CYB5R4: variants seen among roughly 807,000 people sequenced by gnomAD.
CYB5R4 encodes the protein N-terminal cytochrome b5 and cytochrome b5 oxidoreductase domain-containing protein.
In CYB5R4, 55 loss-of-function variants were observed where a neutral mutation model predicts 70.2. That is an observed-to-expected ratio of 0.78 (90% CI 0.63 to 0.98). The LOEUF is 0.98. CYB5R4 is among the 50% of genes least tolerant of loss of function. The pLI is 0.00. For missense variants in CYB5R4, 562 were observed against 612.6 expected, an observed-to-expected ratio of 0.92 and a Z score of 0.87; for synonymous variants, 197 against 199.5, an observed-to-expected ratio of 0.99 and a Z score of 0.11.
At chr6:83,864,404 C>T in intron 2 of CYB5R4, 76 bp downstream of exon 2, 1 of 1,290,010 alleles carries the variant, frequency 7.8e-7, no homozygotes, top group Non-Finnish European at 1.1e-6. Flanking sequence ...ACCTCACAGT[C>T]ATGTTATTTT....
intron 3 of CYB5R4, among the ~76,000 whole-genome samples, chr6:83,906,963 G>A (rs1434745109): frequency 2.0e-5 from 3 of 152,110 alleles, no homozygotes; most frequent in Non-Finnish European, 2.9e-5. Flanking sequence ...ATTGTTTCCA[G>A]TATTTTGCTA....
At chr6:83,914,369 A>G (rs1246584170) in intron 4 of CYB5R4, 47 bp from the exon 5 acceptor site, 3 of 1,493,318 alleles carry the variant, frequency 2.0e-6, no homozygotes, top group Non-Finnish European at 2.7e-6. Flanking sequence ...ATTCTCATTG[A>G]CATTAAAGTA....
chr6:83,891,836 T>C (rs2129133784), intron 2 of CYB5R4, among the ~76,000 whole-genome samples: 1 of 152,328 alleles, frequency 6.6e-6, no homozygotes, highest in African/African-American at 2.4e-5. Context: ...GTGCTCATCA[T>C]GGATAGCTAT....
chr6:83,884,170 A>G (rs538094635), intron 2 of CYB5R4, among the ~76,000 whole-genome samples: 1 of 151,914 alleles, frequency 6.6e-6, no homozygotes, highest in Admixed American at 6.6e-5. Context: ...ATAATTATCT[A>G]TCATGTAATT....
chr6:83,881,333 C>T (rs190066045), intron 2 of CYB5R4, among the ~76,000 whole-genome samples: 2 of 151,998 alleles, frequency 1.3e-5, no homozygotes, highest in Admixed American at 1.3e-4. Flanking sequence ...TGTTACCATA[C>T]CTGGCTAATT....
intron 10 of CYB5R4, among the ~76,000 whole-genome samples, chr6:83,932,939 A>C (rs539948282): frequency 6.6e-6 from 1 of 152,332 alleles, no homozygotes; most frequent in African/African-American, 2.4e-5. Flanking sequence ...CTAGCCTTCT[A>C]GGACCTTGTA....
chr6:83,898,707 T>G lies in CYB5R4; in HGVS notation c.330+5085T>G, dbSNP rs551364460. 2.0e-5 allele frequency among the ~76,000 whole-genome samples: 3 copies of G among 152,210 alleles called. No individual in the cohort carries two copies. In the East Asian group the frequency reaches 5.8e-4, roughly 29 times the overall value. On this transcript the variant is annotated intron_variant, in intron 3 of 15. Coordinates refer to ENST00000369681, the MANE Select transcript of CYB5R4 (RefSeq NM_016230.4). ...CCCTTGTAAGTTGGATTCCTAGGTATTTTATTCTCTTTGAAGCAATTGTGA... is the reference window on the plus strand; with the variant it reads ...CCCTTGTAAGTTGGATTCCTAGGTAGTTTATTCTCTTTGAAGCAATTGTGA...
At chr6:83,919,227 G>T (rs979046079) in intron 6 of CYB5R4, among the ~76,000 whole-genome samples, 170 bp from the exon 7 acceptor site, 2 of 152,076 alleles carry the variant, frequency 1.3e-5, no homozygotes, top group African/African-American at 4.8e-5. Flanking sequence ...ATAGTTGTCA[G>T]CTGTATAATG....
chr6:83,861,909 AT>A (rs1481365627), intron 1 of CYB5R4, among the ~76,000 whole-genome samples: 3 of 152,316 alleles, frequency 2.0e-5, no homozygotes, highest in Middle Eastern at 6.8e-3. Context: ...GCTGCAGGAA[AT>A]TTTGTTTGTC....
intron 10 of CYB5R4, among the ~76,000 whole-genome samples, chr6:83,933,746 A>G (rs1050643736): frequency 3.3e-5 from 5 of 152,194 alleles, no homozygotes; most frequent in Admixed American, 2.0e-4. Flanking sequence ...TATACAAACA[A>G]TATTTTCTGA....
chr6:83,945,407 GA>G (rs1264419689), intron 14 of CYB5R4, among the ~76,000 whole-genome samples: 2 of 152,152 alleles, frequency 1.3e-5, no homozygotes, highest in African/African-American at 4.8e-5. Flanking sequence ...GAATCTCTGG[GA>G]CACAGCTAAA....
intron 14 of CYB5R4, among the ~76,000 whole-genome samples, chr6:83,946,359 A>G (rs1037185378): frequency 4.3e-4 from 66 of 152,164 alleles, no homozygotes; most frequent in African/African-American, 1.5e-3. Flanking sequence ...AAAGGCCTTC[A>G]ATAAAATTCA....
At position 83,963,316 on chromosome 6, in the gene CYB5R4, A is replaced by G. The variant is rs907688478; in HGVS notation, c.*3438A>G. ...TGAGAGGAGCTTTGACACCCACCCCAAAAGAGTCAACTTCATTATGCTGGC... is the reference window on the plus strand; with the variant it reads ...TGAGAGGAGCTTTGACACCCACCCCGAAAGAGTCAACTTCATTATGCTGGC... On this transcript the variant is annotated 3_prime_UTR_variant, in exon 16 of 16. Coordinates refer to ENST00000369681, the MANE Select transcript of CYB5R4 (RefSeq NM_016230.4). The G allele has an allele frequency of 6.6e-6, 1 of 152,202 alleles. No individual in the cohort carries two copies. The highest frequency in any genetic ancestry group is 1.5e-5 in the Non-Finnish European group (1 of 68,082). The allele number at this position is 152,202 out of a possible 1,614,324, so 9.4% of individuals were successfully genotyped here.
chr6:83,922,452 G>A lies in CYB5R4; in HGVS notation c.673G>A (p.Val225Ile). ...GTCTGTCCTAGGGCTAAGCCATGAG[G>A]TTCAGGAAGATTTTTCTGGTAAGCT... Reference protein sequence around the residue: ...YLIHIGLSHEVQEDFSVRVVE... With the variant: ...YLIHIGLSHEIQEDFSVRVVE... Residue 225 changes from valine (V) to isoleucine (I), a missense_variant, in exon 9 of 16, where the codon GTT (valine) becomes ATT (isoleucine). Coordinates refer to ENST00000369681, the MANE Select transcript of CYB5R4 (RefSeq NM_016230.4). The A allele has an allele frequency of 6.2e-7, 1 of 1,613,216 alleles. No homozygotes were observed. Among genetic ancestry groups the A allele is most frequent in the South Asian group, 1.1e-5 (1 of 90,974 alleles).
chr6:83,922,321 C>A, intron 8 of CYB5R4, 117 bp from the exon 9 acceptor site: 1 of 628,004 alleles, frequency 1.6e-6, no homozygotes, highest in Non-Finnish European at 2.6e-6. Context: ...TTTCAGAACA[C>A]GTTTTGTCTT....
chr6:83,864,194 G>T lies in CYB5R4; in HGVS notation c.95G>T (p.Arg32Ile). ...TTTTAGGTACCTTTAAAACAGGGCA[G>T]AAGCCTTATGGATTGGATTCGACTG... The part of the protein sequence containing the change: ...GRSKVPLKQG[R>I]SLMDWIRLTK... The change falls in exon 2 of 16, where the codon AGA becomes ATA. Residue 32 changes from arginine (R) to isoleucine (I), a missense_variant. Coordinates refer to ENST00000369681, the MANE Select transcript of CYB5R4 (RefSeq NM_016230.4). 6.2e-7 allele frequency: 1 copy of T among 1,605,788 alleles called. No homozygotes were observed. The highest frequency in any genetic ancestry group is 8.5e-7 in the Non-Finnish European group (1 of 1,176,966).
intron 12 of CYB5R4, among the ~76,000 whole-genome samples, chr6:83,937,161 G>C (rs1310192556): frequency 1.3e-5 from 2 of 152,082 alleles, no homozygotes; most frequent in Admixed American, 1.3e-4. Context: ...TGTAATCCCA[G>C]CTACTTGGGA....
intron 6 of CYB5R4, 119 bp downstream of exon 6, chr6:83,918,184 A>G (rs569196681): frequency 1.5e-6 from 1 of 646,436 alleles, no homozygotes; most frequent in East Asian, 2.8e-5. Flanking sequence ...ATGCTCTTTG[A>G]CACAAGAACT....
chr6:83,914,327 A>T (rs1442923459), intron 4 of CYB5R4, 89 bp from the exon 5 acceptor site: 35 of 1,352,594 alleles, frequency 2.6e-5, no homozygotes, highest in Non-Finnish European at 3.5e-5. Context: ...AAAAGAAGGG[A>T]TGTTATCTTG....
Sources: gnomAD v4.1 joint callset for allele counts (sites outside exome capture counted in the v4.1 genomes callset) on GRCh38, gnomAD v4.1.1 for gene constraint, MANE v1.5 for transcripts, NCBI Gene and HGNC (gene_info 2026-07-23, HGNC 2026-07-21) for gene names.